Variants in EGF observed in about 807,000 individuals in gnomAD.
The protein encoded by EGF is epidermal growth factor.
EGF carries 95 observed loss-of-function variants against 143.8 expected under a neutral mutation model. The ratio of observed to expected loss-of-function variants is 0.66; its 90% CI spans 0.56 to 0.78. EGF has a LOEUF of 0.78. Ranked by LOEUF, EGF falls within the 30% of genes least tolerant of loss-of-function variation. The pLI is 0.00. For synonymous variants in EGF, 510 were observed against 510.5 expected (o/e 1.00, Z 0.01); for missense variants, 1,320 against 1,470.9 (o/e 0.90, Z 1.68).
rs1177678449 is a variant in EGF at position 110,011,682 on chromosome 4, C to T, written c.*227C>T. On this transcript the variant is annotated 3_prime_UTR_variant, in exon 24 of 24. Transcript: ENST00000265171. The stretch of plus-strand genomic sequence containing the variant: ...GAGTACTGGGAGAATCACTAGGTAA[C>T]TTATTAGAAACCCAAATTGGGACAA... The T allele has an allele frequency of 1.5e-6, 1 of 650,966 alleles. No homozygotes were observed. Among genetic ancestry groups the T allele is most frequent in the African/African-American group, 1.8e-5 (1 of 54,642 alleles). 40.3% of individuals were successfully genotyped at this position (650,966 alleles called of 1,614,324 possible). A position where few individuals can be genotyped will look rare whatever the true frequency, so the allele number is the denominator to read the frequency against.
chr4:109,919,827 T>G (rs1737461255), intron 1 of EGF, among the ~76,000 whole-genome samples: 1 of 151,602 alleles, frequency 6.6e-6, no homozygotes, highest in Admixed American at 6.6e-5. Flanking sequence ...AATTTGCTTG[T>G]GGTGGCATGG....
chr4:109,989,796 C>T (rs996443918), intron 18 of EGF, among the ~76,000 whole-genome samples: 3 of 152,142 alleles, frequency 2.0e-5, no homozygotes, highest in Non-Finnish European at 2.9e-5. Flanking sequence ...CTGTTACTAA[C>T]TCATCTCCTT....
intron 23 of EGF, among the ~76,000 whole-genome samples, chr4:110,010,988 C>T (rs879923066): frequency 6.6e-6 from 1 of 151,592 alleles, no homozygotes; most frequent in South Asian, 2.1e-4. Context: ...CTGTGGTGAG[C>T]TGTGACTGTG....
At chr4:109,953,465 C>G (rs1170670840) in intron 5 of EGF, among the ~76,000 whole-genome samples, 3 of 152,090 alleles carry the variant, frequency 2.0e-5, no homozygotes, top group Admixed American at 6.6e-5. Context: ...GGAGGAGGAG[C>G]TTTTATAGGA....
intron 11 of EGF, among the ~76,000 whole-genome samples, chr4:109,970,163 C>T (rs1464681048): frequency 6.6e-6 from 1 of 152,140 alleles, no homozygotes; most frequent in Non-Finnish European, 1.5e-5. Context: ...GTGTATGCAG[C>T]CTGCGTGAAC....
intron 23 of EGF, among the ~76,000 whole-genome samples, chr4:110,008,490 AATGGATG>A (rs2126199032): frequency 6.6e-6 from 1 of 152,326 alleles, no homozygotes; most frequent in East Asian, 1.9e-4. Flanking sequence ...GCAAGAACAC[AATGGATG>A]ACTCCTTGAT....
chr4:109,970,824 C>CAAAAAAAAAAAAAAAAAAAAAAAAA (rs371512157), intron 11 of EGF, among the ~76,000 whole-genome samples: 1 of 72,974 alleles, frequency 1.4e-5, no homozygotes, highest in African/African-American at 5.5e-5. Flanking sequence ...GACTCCGTCT[C>CAAAAAAAAAAAAAAAAAAAAAAAAA]AAAAAAAAAA....
At chr4:109,915,733 C>T (rs79645795) in intron 1 of EGF, among the ~76,000 whole-genome samples, 7,149 of 152,266 alleles carry the variant, frequency 0.047, 241 homozygotes, top group Non-Finnish European at 0.074. Context: ...ATTTCTTGCC[C>T]TTGGCATTGA....
At chr4:110,006,430 G>T (rs1753309800) in intron 22 of EGF, among the ~76,000 whole-genome samples, 2 of 152,184 alleles carry the variant, frequency 1.3e-5, no homozygotes, top group Non-Finnish European at 2.9e-5. Flanking sequence ...AACCTATGCA[G>T]ACTTCTGCTC....
chr4:109,994,756 A>G lies in EGF; in HGVS notation c.2881A>G (p.Arg961Gly), dbSNP rs1301079048. The change falls in exon 20 of 24, where the codon AGG becomes GGG. Residue 961 changes from arginine (R) to glycine (G), a missense_variant. This residue lies in a region of EGF where 1,186 missense variants were observed against 1,313.7 expected (regional missense o/e 0.90). Transcript: ENST00000265171. ...CPDSTPPPHL[R>G]EDDHHYSVRN... ...AGACTCTACTCCACCCCCTCACCTCAGGGAAGATGACCACCACTATTCCGT... is the reference window on the plus strand; with the variant it reads ...AGACTCTACTCCACCCCCTCACCTCGGGGAAGATGACCACCACTATTCCGT... 1 of 1,614,144 alleles carries G rather than the reference A, an allele frequency of 6.2e-7. No individual in the cohort carries two copies. The highest frequency in any genetic ancestry group is 1.1e-5 in the South Asian group (1 of 91,078).
In EGF at chr4:110,004,572, C is replaced by A; in HGVS notation, c.3241C>A (p.Arg1081Ser). The A allele has an allele frequency of 6.2e-7, 1 of 1,613,950 alleles. No homozygotes were observed. Among genetic ancestry groups the A allele is most frequent in the African/African-American group, 1.3e-5 (1 of 74,996 alleles). ...YEESSRDVRS[R>S]RPADTEDGMS... ...GGAGTCGAGCAGAGATGTGAGGAGT[C>A]GCAGGCCTGCTGACACTGAGGATGG... is the stretch of plus-strand genomic sequence containing the variant. The change falls in exon 22 of 24, where the codon CGC becomes AGC. Residue 1081 changes from arginine to serine, a missense_variant. Transcript: ENST00000265171.
At chr4:109,948,234 T>C (rs927149309) in intron 5 of EGF, among the ~76,000 whole-genome samples, 7 of 152,192 alleles carry the variant, frequency 4.6e-5, no homozygotes, top group Admixed American at 2.6e-4. Flanking sequence ...TTGGCTCCAG[T>C]TACTGACCAA....
intron 16 of EGF, 99 bp from the exon 17 acceptor site, chr4:109,987,645 G>T: frequency 4.1e-6 from 4 of 984,712 alleles, no homozygotes; most frequent in Non-Finnish European, 6.5e-6. Context: ...CAGAACTTGG[G>T]AAAGGAAGTG....
chr4:109,938,999 G>A lies in EGF; in HGVS notation c.128-1947G>A, dbSNP rs528307448. ...TCAGGGACCCACTTGAGGAGGCAGT[G>A]TGTCTGTTAATGGATCTCAAACGCT... On this transcript the variant is annotated intron_variant, in intron 1 of 23. Coordinates refer to ENST00000265171, the MANE Select transcript of EGF (RefSeq NM_001963.6). Among the ~76,000 whole-genome samples, 63 of 152,346 alleles carry A rather than the reference G, an allele frequency of 4.1e-4. 2 individuals carry two copies. In the South Asian group the frequency reaches 6.4e-3, roughly 16 times the overall value.
At chr4:109,913,741 C>T (rs181221041) in intron 1 of EGF, among the ~76,000 whole-genome samples, 10 of 152,310 alleles carry the variant, frequency 6.6e-5, no homozygotes, top group Admixed American at 3.9e-4. Flanking sequence ...GAAGCTTCAG[C>T]TTTTACTCTG....
chr4:109,990,900 A>G (rs1272462462), intron 18 of EGF, among the ~76,000 whole-genome samples: 1 of 152,190 alleles, frequency 6.6e-6, no homozygotes, highest in African/African-American at 2.4e-5. Context: ...TTATGACCCC[A>G]TGTAACCTTA....
At chr4:109,988,216 A>G (rs1750433420) in intron 17 of EGF, among the ~76,000 whole-genome samples, 1 of 146,148 alleles carries the variant, frequency 6.8e-6, no homozygotes, top group East Asian at 2.0e-4. Flanking sequence ...TTTTTACCCC[A>G]GAAGCTTAGG....
chr4:109,954,725 A>T (rs1057507207), intron 5 of EGF, among the ~76,000 whole-genome samples: 1 of 152,312 alleles, frequency 6.6e-6, no homozygotes, highest in African/African-American at 2.4e-5. Flanking sequence ...ATTTATGCAA[A>T]TGCATAAATA....
chr4:109,939,039 A>G (rs549361142), intron 1 of EGF, among the ~76,000 whole-genome samples: 116 of 152,324 alleles, frequency 7.6e-4, no homozygotes, highest in Non-Finnish European at 1.4e-3. Context: ...TGGGAGAACC[A>G]CTGCTCTCTT....
Sources: allele counts gnomAD v4.1 joint callset (sites outside exome capture counted in the v4.1 genomes callset), GRCh38; gene constraint gnomAD v4.1.1; regional missense constraint gnomAD v4.1.1; transcripts MANE v1.5; gene names NCBI Gene and HGNC (gene_info 2026-07-23, HGNC 2026-07-21).